Variants in GALNT13 observed in about 807,000 individuals in gnomAD.
The protein encoded by GALNT13 is UDP-GalNAc:polypeptide N-acetylgalactosaminyltransferase 13.
In GALNT13, 28 loss-of-function variants were observed where a neutral mutation model predicts 64.2. That is an observed-to-expected ratio of 0.44 (90% CI 0.32 to 0.60). The LOEUF is 0.60. Among genes scored for constraint, GALNT13 ranks in the 20% least tolerant of loss-of-function variants. The probability of loss-of-function intolerance (pLI) is 0.05; values close to 1 mark genes in which losing one functional copy is unlikely to be tolerated. For synonymous variants in GALNT13, 214 were observed against 224.6 expected (o/e 0.95, Z 0.42); for missense variants, 577 against 669.8 (o/e 0.86, Z 1.53).
intron 3 of GALNT13, among the ~76,000 whole-genome samples, chr2:153,960,601 G>A (rs186883224): frequency 2.0e-5 from 3 of 152,260 alleles, no homozygotes; most frequent in Admixed American, 1.3e-4. Context: ...GGTGGTAATC[G>A]TTGGGTCATT....
rs1405934 is a variant in GALNT13, at chr2:154,438,146, T to A, written c.1396-446T>A. Among the ~76,000 whole-genome samples the A allele has an allele frequency of 2.0e-5, 3 of 152,158 alleles. No homozygotes were observed. The East Asian group carries it at 5.8e-4, about 30-fold the overall frequency. On this transcript the variant is annotated intron_variant, in intron 11 of 12. Coordinates refer to ENST00000392825, the MANE Select transcript of GALNT13 (RefSeq NM_052917.4). The stretch of plus-strand genomic sequence containing the variant: ...ACAGTATTTAATAAAACTTACACGA[T>A]GTACTTATGTTATCAGAAGAAAGAT...
chr2:153,377,809 T>C, the GALNT13 span, among the ~76,000 whole-genome samples: 2 of 152,182 alleles, frequency 1.3e-5, no homozygotes, highest in Non-Finnish European at 1.5e-5. Context: ...AATTAAAATG[T>C]GCATTCACAT....
the GALNT13 span, among the ~76,000 whole-genome samples, chr2:153,841,094 A>C: frequency 6.6e-6 from 1 of 152,142 alleles, no homozygotes; most frequent in African/African-American, 2.4e-5. Context: ...ATATTACTTA[A>C]TGGAATATAT....
At chr2:153,197,083 G>T in the GALNT13 span, among the ~76,000 whole-genome samples, 1 of 152,202 alleles carries the variant, frequency 6.6e-6, no homozygotes, top group African/African-American at 2.4e-5. Context: ...GGTGGTGGTG[G>T]TGGTGGCAGG....
At chr2:153,243,163 G>T in the GALNT13 span, among the ~76,000 whole-genome samples, 1 of 152,288 alleles carries the variant, frequency 6.6e-6, no homozygotes. Context: ...AGACACCAAT[G>T]GGTGATGGGC....
chr2:153,850,223 G>A, the GALNT13 span, among the ~76,000 whole-genome samples: 1 of 151,524 alleles, frequency 6.6e-6, no homozygotes, highest in African/African-American at 2.4e-5. Flanking sequence ...GGAAAGAAAT[G>A]AAACATAGAG....
At chr2:153,990,208 A>G (rs897099958) in intron 3 of GALNT13, among the ~76,000 whole-genome samples, 16 of 152,078 alleles carry the variant, frequency 1.1e-4, no homozygotes, top group Non-Finnish European at 2.2e-4. Flanking sequence ...AAATCAGACA[A>G]TTAGTAGATG....
chr2:153,765,416 G>A, the GALNT13 span, among the ~76,000 whole-genome samples: 1 of 152,158 alleles, frequency 6.6e-6, no homozygotes, highest in South Asian at 2.1e-4. Flanking sequence ...TTGGGTTTTG[G>A]ACTTGCATGG....
chr2:153,125,982 C>T, the GALNT13 span, among the ~76,000 whole-genome samples: 3 of 151,858 alleles, frequency 2.0e-5, no homozygotes, highest in African/African-American at 4.8e-5. Context: ...TTATGAAGTT[C>T]GAATGAATGC....
chr2:153,665,815 T>A, the GALNT13 span, among the ~76,000 whole-genome samples: 1 of 151,960 alleles, frequency 6.6e-6, no homozygotes, highest in Non-Finnish European at 1.5e-5. Context: ...ACAACCTCCA[T>A]GGAAATTGGA....
the GALNT13 span, among the ~76,000 whole-genome samples, chr2:153,726,272 TTGAC>T: frequency 5.3e-5 from 8 of 152,326 alleles, no homozygotes; most frequent in East Asian, 1.5e-3. Flanking sequence ...ATTTGAATGA[TTGAC>T]TGAAATGTTA....
the GALNT13 span, among the ~76,000 whole-genome samples, chr2:153,394,658 A>T: frequency 1.3e-5 from 2 of 152,126 alleles, no homozygotes; most frequent in African/African-American, 4.8e-5. Context: ...TGTTCCAATC[A>T]CAGTGATAAA....
At chr2:153,196,245 A>G in the GALNT13 span, among the ~76,000 whole-genome samples, 2 of 151,690 alleles carry the variant, frequency 1.3e-5, no homozygotes, top group Non-Finnish European at 2.9e-5. Context: ...ACCATCCATG[A>G]TGTCCAGGCT....
chr2:154,049,007 AC>A lies in GALNT13; in HGVS notation c.143-91329del, dbSNP rs201537481. ...TTTATAAATTAAGATATTACGTGGA[AC>A]TTACTATGGTTCAAGAACTCAGTAA... is the stretch of plus-strand genomic sequence containing the variant. On this transcript the variant is annotated intron_variant, in intron 3 of 12. Coordinates refer to ENST00000392825, the MANE Select transcript of GALNT13 (RefSeq NM_052917.4). Among the ~76,000 whole-genome samples, 1,162 of 145,842 alleles carry A rather than the reference AC, an allele frequency of 8.0e-3. 16 individuals carry two copies. Among genetic ancestry groups the A allele is most frequent in the African/African-American group, 0.028 (1,101 of 39,288 alleles).
intron 12 of GALNT13, among the ~76,000 whole-genome samples, 183 bp downstream of exon 12, chr2:154,438,909 G>C (rs766431199): frequency 3.3e-5 from 5 of 151,958 alleles, no homozygotes; most frequent in Non-Finnish European, 7.4e-5. Flanking sequence ...CACCAAATTG[G>C]TCCATTAATA....
the GALNT13 span, among the ~76,000 whole-genome samples, chr2:153,574,008 A>T: frequency 1.7e-4 from 26 of 151,800 alleles, no homozygotes; most frequent in East Asian, 4.5e-3. Flanking sequence ...TCCCTTTAGT[A>T]TTTCTTGCAG....
At chr2:153,303,140 A>G in the GALNT13 span, among the ~76,000 whole-genome samples, 1 of 152,106 alleles carries the variant, frequency 6.6e-6, no homozygotes, top group Non-Finnish European at 1.5e-5. Flanking sequence ...TAATATGGCC[A>G]TTTTTACAAT....
At chr2:154,439,639 TG>T (rs1198737300) in intron 12 of GALNT13, among the ~76,000 whole-genome samples, 1 of 152,220 alleles carries the variant, frequency 6.6e-6, no homozygotes, top group Non-Finnish European at 1.5e-5. Context: ...ACAGAGTTTT[TG>T]GTATTGTTGA....
chr2:153,189,195 C>A, the GALNT13 span, among the ~76,000 whole-genome samples: 4 of 151,982 alleles, frequency 2.6e-5, no homozygotes, highest in Non-Finnish European at 5.9e-5. Context: ...GGATTTTCAC[C>A]CACCTTTCTT....
Sources: allele counts gnomAD v4.1 joint callset (sites outside exome capture counted in the v4.1 genomes callset), GRCh38; gene constraint gnomAD v4.1.1; transcripts MANE v1.5; gene names NCBI Gene and HGNC (gene_info 2026-07-23, HGNC 2026-07-21).